Variants in CD163L1 observed in about 807,000 individuals in gnomAD.
The protein encoded by CD163L1 is CD163 molecule like 1.
Under a neutral mutation model 165.4 loss-of-function variants are expected in CD163L1, and 124 were observed. The observed-to-expected ratio is 0.75, with a 90% CI of 0.65 to 0.87. The LOEUF is 0.87. CD163L1 is among the 40% of genes least tolerant of loss of function. The pLI, the probability that CD163L1 is intolerant of heterozygous loss-of-function variation, is 0.00. For synonymous variants in CD163L1, 585 were observed against 662.2 expected, an observed-to-expected ratio of 0.88 and a Z score of 1.79; for missense variants, 1,525 against 1,799.9, an observed-to-expected ratio of 0.85 and a Z score of 2.76.
chr12:7,395,236 C>T (rs908684055), intron 8 of CD163L1, among the ~76,000 whole-genome samples: 2 of 152,162 alleles, frequency 1.3e-5, no homozygotes, highest in African/African-American at 2.4e-5. Flanking sequence ...AAATGTGGCA[C>T]ATATACACCA....
In CD163L1 at chr12:7,369,362, C is replaced by CA; in HGVS notation, c.4033dup (p.Cys1345LeufsTer66). On this transcript the variant is annotated frameshift_variant, in exon 15 of 20. Coordinates refer to ENST00000313599, the MANE Select transcript of CD163L1 (RefSeq NM_174941.6). LOFTEE classifies it high-confidence loss of function. The surrounding 1 kb of genome is among the most constrained non-coding windows in gnomAD (Gnocchi z 4.9). ...TGCAGCCTTTTCACACTTACCAGAGCACCTCACGCCAGCATCTTCCTTGTG... is the reference window on the plus strand; with the variant it reads ...TGCAGCCTTTTCACACTTACCAGAGCAACCTCACGCCAGCATCTTCCTTGTG... 8 of 1,613,662 alleles carry CA rather than the reference C, an allele frequency of 5.0e-6. No individual in the cohort carries two copies. Among genetic ancestry groups the CA allele is most frequent in the Non-Finnish European group, 6.8e-6 (8 of 1,179,728 alleles).
At chr12:7,416,462 C>T (rs1363862783) in intron 4 of CD163L1, among the ~76,000 whole-genome samples, 1 of 152,162 alleles carries the variant, frequency 6.6e-6, no homozygotes, top group Non-Finnish European at 1.5e-5. Flanking sequence ...GTTGCCATTG[C>T]TTTTGGTGTT....
chr12:7,358,948 G>A lies in CD163L1; in HGVS notation c.4280-1462C>T, dbSNP rs188019029. ...ACATCAACAACACTGTAATAGAAAC[G>A]AAGCATGTCTTTTAAGGGCTCATCA... On this transcript the variant is annotated intron_variant, in intron 18 of 19. Transcript: ENST00000313599. Among the ~76,000 whole-genome samples the A allele has an allele frequency of 1.2e-4, 18 of 152,104 alleles. No homozygotes were observed. In the East Asian group the frequency reaches 1.5e-3, roughly 13 times the overall value.
chr12:7,404,864 T>C (rs1947986346), intron 5 of CD163L1, among the ~76,000 whole-genome samples: 1 of 152,174 alleles, frequency 6.6e-6, no homozygotes, highest in Admixed American at 6.6e-5. Context: ...AATGCTGTTA[T>C]CCTAGTCATG....
chr12:7,412,920 C>T (rs1230870467), intron 4 of CD163L1, among the ~76,000 whole-genome samples: 2 of 151,694 alleles, frequency 1.3e-5, no homozygotes, highest in Non-Finnish European at 2.9e-5. Flanking sequence ...GATGGTGAAA[C>T]CCCGTCTCTA....
intron 2 of CD163L1, among the ~76,000 whole-genome samples, chr12:7,437,617 A>C (rs1948755979): frequency 6.6e-6 from 1 of 150,802 alleles, no homozygotes; most frequent in African/African-American, 2.4e-5. Context: ...TAGTCTGCTC[A>C]GAATGATGGT....
chr12:7,400,324 G>A lies in CD163L1; in HGVS notation c.1409-1740C>T, dbSNP rs746117233. ...GTGGGGGTATGAACAGATATATGAC[G>A]CATGTATATATAATATGTATCATTT... On this transcript the variant is annotated intron_variant, in intron 6 of 19. Transcript: ENST00000313599. The surrounding 1 kb of genome is among the most constrained non-coding windows in gnomAD (Gnocchi z 4.1). Among the ~76,000 whole-genome samples the A allele has an allele frequency of 3.9e-5, 6 of 152,068 alleles. No individual in the cohort carries two copies. The highest frequency in any genetic ancestry group is 2.1e-4 in the South Asian group (1 of 4,816).
chr12:7,435,372 T>G, intron 2 of CD163L1, among the ~76,000 whole-genome samples: 1 of 151,764 alleles, frequency 6.6e-6, no homozygotes, highest in Non-Finnish European at 1.5e-5. Flanking sequence ...TTATATTTTT[T>G]AAATATATAT....
chr12:7,366,106 TG>T (rs1173297161), intron 18 of CD163L1, among the ~76,000 whole-genome samples: 18 of 152,062 alleles, frequency 1.2e-4, no homozygotes, highest in Admixed American at 1.0e-3. Flanking sequence ...AGTAACATGG[TG>T]GAACTAGAGG....
At chr12:7,393,388 A>G (rs1252936232) in intron 8 of CD163L1, among the ~76,000 whole-genome samples, 1 of 152,106 alleles carries the variant, frequency 6.6e-6, no homozygotes, top group Non-Finnish European at 1.5e-5. Context: ...CATGCTAAAA[A>G]CTCTCAATAA....
chr12:7,439,660 A>G (rs1948787095), intron 2 of CD163L1: 1 of 1,612,306 alleles, frequency 6.2e-7, no homozygotes, highest in South Asian at 1.1e-5. Context: ...GTTCTCTGCA[A>G]TTTTCTTCCT....
intron 18 of CD163L1, among the ~76,000 whole-genome samples, chr12:7,364,900 T>C (rs1946980762): frequency 6.6e-6 from 1 of 152,100 alleles, no homozygotes; most frequent in African/African-American, 2.4e-5. Context: ...ACTAATGACA[T>C]TTTTCACAGA....
chr12:7,425,677 C>G (rs933225985), intron 4 of CD163L1, among the ~76,000 whole-genome samples: 18 of 152,034 alleles, frequency 1.2e-4, no homozygotes, highest in Admixed American at 1.3e-4. Context: ...AGGATGTGAA[C>G]AGACATTATG....
At chr12:7,335,457 T>G in the CD163L1 span, among the ~76,000 whole-genome samples, 1 of 152,214 alleles carries the variant, frequency 6.6e-6, no homozygotes, top group African/African-American at 2.4e-5. Flanking sequence ...AAGTTGAAAC[T>G]GGATCCCTTC....
chr12:7,391,147 TAACA>T (rs1470461480), intron 8 of CD163L1, among the ~76,000 whole-genome samples: 3 of 151,986 alleles, frequency 2.0e-5, no homozygotes, highest in Admixed American at 6.6e-5. Context: ...GAAGGAAAAC[TAACA>T]AACAGAAAGG....
At chr12:7,433,268 C>A (rs1016936031) in intron 3 of CD163L1, 106 bp downstream of exon 3, 3 of 938,982 alleles carry the variant, frequency 3.2e-6, no homozygotes, top group African/African-American at 1.6e-5. Flanking sequence ...TTTCCTACAC[C>A]TCCCAGAGGG....
At chr12:7,391,768 G>C (rs976453488) in intron 8 of CD163L1, among the ~76,000 whole-genome samples, 5 of 152,174 alleles carry the variant, frequency 3.3e-5, no homozygotes, top group Admixed American at 3.3e-4. Flanking sequence ...AGCAGGGGTT[G>C]TAATCCTAGT....
rs1303085476 is a variant in CD163L1 at position 7,374,424 on chromosome 12, A to G, written c.3409+18T>C. On this transcript the variant is annotated intron_variant, in intron 13 of 19. Transcript: ENST00000313599. The surrounding 1 kb of genome is among the most constrained non-coding windows in gnomAD (Gnocchi z 5.4). The stretch of plus-strand genomic sequence containing the variant: ...TGCACGTGTGTGTAGAGGAGGGTGA[A>G]AAGGTAGCAGCACAGACCTGAGCAG... 2 of 1,591,368 alleles carry G rather than the reference A, an allele frequency of 1.3e-6. No homozygotes were observed. Among genetic ancestry groups the G allele is most frequent in the Admixed American group, 3.4e-5 (2 of 58,602 alleles).
Position 7,369,726 on chromosome 12 carries a change from G to T in CD163L1, c.3731-61C>A. The T allele has an allele frequency of 6.7e-7, 1 of 1,501,220 alleles. No homozygotes were observed. The highest frequency in any genetic ancestry group is 9.1e-7 in the Non-Finnish European group (1 of 1,102,282). 93.0% of individuals were successfully genotyped at this position (1,501,220 alleles called of 1,614,324 possible). On this transcript the variant is annotated intron_variant, in intron 14 of 19. Transcript: ENST00000313599. This position sits in a 1 kb window ranked among gnomAD's most constrained non-coding sequence, Gnocchi z 4.9. ...GAAGGAGGTTGTGGGAGAATGCTGAGGTAGAAAAACTTGAAAGTAGCAAAT... is the reference window on the plus strand; with the variant it reads ...GAAGGAGGTTGTGGGAGAATGCTGATGTAGAAAAACTTGAAAGTAGCAAAT...
Sources: allele counts gnomAD v4.1 joint callset (sites outside exome capture counted in the v4.1 genomes callset), GRCh38; gene constraint gnomAD v4.1.1; non-coding constraint Gnocchi (gnomAD v3.1); transcripts MANE v1.5; gene names NCBI Gene and HGNC (gene_info 2026-07-23, HGNC 2026-07-21).